Variants in PCDH15 observed in about 807,000 individuals in gnomAD.
The protein encoded by PCDH15 is protocadherin related 15.
In PCDH15, 129 loss-of-function variants were observed where a neutral mutation model predicts 178.5. That is an observed-to-expected ratio of 0.72 (90% confidence interval 0.63 to 0.84). The LOEUF is 0.84. Among genes scored for constraint, PCDH15 ranks in the 40% least tolerant of loss-of-function variants. The probability of loss-of-function intolerance (pLI) is 0.00; values close to 1 mark genes in which losing one functional copy is unlikely to be tolerated. For synonymous variants in PCDH15, 800 were observed against 732.0 expected (o/e 1.09, Z -1.50); for missense variants, 2,230 against 2,099.9 (o/e 1.06, Z -1.21).
intron 18 of PCDH15, among the ~76,000 whole-genome samples, chr10:54,034,783 A>C (rs1159302196): frequency 6.6e-6 from 1 of 151,854 alleles, no homozygotes; most frequent in Non-Finnish European, 1.5e-5. Context: ...TAACTATTTT[A>C]GAATCATTCC....
chr10:55,539,743 T>G (rs988444594), intron 2 of PCDH15, among the ~76,000 whole-genome samples: 1 of 152,166 alleles, frequency 6.6e-6, no homozygotes, highest in African/African-American at 2.4e-5. Context: ...TTTTTATTAT[T>G]GTATTAAAAA....
chr10:54,684,667 T>G (rs2094960963), intron 1 of PCDH15, among the ~76,000 whole-genome samples: 1 of 152,048 alleles, frequency 6.6e-6, no homozygotes, highest in Admixed American at 6.6e-5. Context: ...AGAAAATATT[T>G]AAGAAGGGAG....
At chr10:54,282,337 G>A (rs1365201035) in intron 8 of PCDH15, among the ~76,000 whole-genome samples, 1 of 152,088 alleles carries the variant, frequency 6.6e-6, no homozygotes, top group Non-Finnish European at 1.5e-5. Context: ...AAAAGAGAGA[G>A]AGAGAGGAGA....
chr10:54,738,070 C>T (rs1397765190), intron 1 of PCDH15, among the ~76,000 whole-genome samples: 1 of 151,950 alleles, frequency 6.6e-6, no homozygotes, highest in African/African-American at 2.4e-5. Flanking sequence ...TGGAGAATAA[C>T]GAACTCTTTG....
chr10:55,281,929 T>G (rs1029899244), intron 1 of PCDH15, among the ~76,000 whole-genome samples: 9 of 152,176 alleles, frequency 5.9e-5, no homozygotes, highest in Admixed American at 3.3e-4. Flanking sequence ...TAAAAAAGTC[T>G]ACACTTCTTC....
intron 18 of PCDH15, among the ~76,000 whole-genome samples, chr10:54,049,296 GAAT>G (rs1161947072): frequency 6.6e-6 from 1 of 152,062 alleles, no homozygotes; most frequent in Non-Finnish European, 1.5e-5. Flanking sequence ...TCTAGGTATA[GAAT>G]AATAATTTCA....
intron 2 of PCDH15, among the ~76,000 whole-genome samples, chr10:55,057,704 C>T (rs1841337934): frequency 6.6e-6 from 1 of 152,154 alleles, no homozygotes; most frequent in African/African-American, 2.4e-5. Context: ...GACTTAAAAC[C>T]TTGTCCTACC....
At chr10:54,857,830 A>G (rs1953767281) in intron 3 of PCDH15, among the ~76,000 whole-genome samples, 1 of 152,028 alleles carries the variant, frequency 6.6e-6, no homozygotes, top group South Asian at 2.1e-4. Flanking sequence ...TCATTTTTAC[A>G]TTTTTAATTC....
chr10:55,484,612 G>A (rs1219663573), intron 2 of PCDH15, among the ~76,000 whole-genome samples: 1 of 151,668 alleles, frequency 6.6e-6, no homozygotes, highest in Non-Finnish European at 1.5e-5. Flanking sequence ...AAAGAACAAA[G>A]AGACAGCAAA....
At chr10:54,353,125 T>A (rs1386847747) in intron 5 of PCDH15, among the ~76,000 whole-genome samples, 1 of 152,158 alleles carries the variant, frequency 6.6e-6, no homozygotes, top group Non-Finnish European at 1.5e-5. Context: ...TGAGAAAATA[T>A]CGTTTGCCAA....
intron 2 of PCDH15, among the ~76,000 whole-genome samples, chr10:55,395,202 A>T (rs201479825): frequency 0.3 from 21,536 of 70,828 alleles, 1,507 homozygotes; most frequent in African/African-American, 0.38. Flanking sequence ...TGTGTGAGAG[A>T]GAGAGAGAGA....
At chr10:55,511,316 T>C (rs1840881467) in intron 2 of PCDH15, among the ~76,000 whole-genome samples, 1 of 152,082 alleles carries the variant, frequency 6.6e-6, no homozygotes, top group African/African-American at 2.4e-5. Context: ...CAAGTCTATA[T>C]GTGCTCCTGA....
chr10:54,531,175 T>G (rs969481113), intron 2 of PCDH15, among the ~76,000 whole-genome samples: 5 of 152,162 alleles, frequency 3.3e-5, no homozygotes, highest in African/African-American at 1.2e-4. Flanking sequence ...ATGGACTTCC[T>G]TAATCTATTT....
intron 15 of PCDH15, among the ~76,000 whole-genome samples, chr10:54,098,869 C>A (rs567603376): frequency 6.6e-6 from 1 of 152,214 alleles, no homozygotes; most frequent in South Asian, 2.1e-4. Context: ...AAATCAGAAT[C>A]AACATTTCTG....
At chr10:54,858,047 C>A (rs1463643136) in intron 3 of PCDH15, among the ~76,000 whole-genome samples, 1 of 152,126 alleles carries the variant, frequency 6.6e-6, no homozygotes, top group African/African-American at 2.4e-5. Context: ...CGTGTATGTC[C>A]TGTCTAATTG....
At chr10:55,283,649 GGTATAGAGCTTT>G (rs992171718) in intron 1 of PCDH15, among the ~76,000 whole-genome samples, 2 of 150,488 alleles carry the variant, frequency 1.3e-5, no homozygotes, top group African/African-American at 4.9e-5. Context: ...TTAAGTACTT[GGTATAGAGCTTT>G]GTGCATCCTA....
chr10:55,109,612 G>C (rs749193673), intron 2 of PCDH15, among the ~76,000 whole-genome samples: 95 of 152,174 alleles, frequency 6.2e-4, no homozygotes, highest in Non-Finnish European at 1.3e-3. Context: ...ACAGTGAGGG[G>C]TTATAAGGTC....
intron 2 of PCDH15, among the ~76,000 whole-genome samples, chr10:55,090,490 T>C (rs559289866): frequency 1.3e-5 from 2 of 151,982 alleles, no homozygotes; most frequent in Admixed American, 6.6e-5. Flanking sequence ...CAGGGTAAAA[T>C]TGTTGTGGCT....
Position 54,020,230 on chromosome 10 carries a change from T to A in PCDH15, c.2713A>T (p.Met905Leu). ...LVEAFDIYGTMPPGIATVTVI... is the reference protein window; with the variant it reads ...LVEAFDIYGTLPPGIATVTVI... Reference sequence around the variant, plus strand: ...GTGACAGTAGCAATACCAGGTGGCATTGTTCCATAAATATCAAAGGCCTCT... The same window carrying A: ...GTGACAGTAGCAATACCAGGTGGCAATGTTCCATAAATATCAAAGGCCTCT... The change falls in exon 20 of 38, where the codon ATG becomes TTG. Residue 905 changes from methionine to leucine, a missense_variant. Physicochemically the swap from Met to Leu is conservative, Grantham distance 15 (BLOSUM62 2). Coordinates refer to ENST00000644397, the MANE Select transcript of PCDH15 (RefSeq NM_001384140.1). 1.9e-6 allele frequency: 3 copies of A among 1,613,738 alleles called. No individual in the cohort carries two copies. Among genetic ancestry groups the A allele is most frequent in the Non-Finnish European group, 2.5e-6 (3 of 1,179,758 alleles).
Sources: allele counts gnomAD v4.1 joint callset (sites outside exome capture counted in the v4.1 genomes callset), GRCh38; gene constraint gnomAD v4.1.1; transcripts MANE v1.5; gene names NCBI Gene and HGNC (gene_info 2026-07-23, HGNC 2026-07-21).